MTUS2: variants seen among roughly 807,000 people sequenced by gnomAD.
MTUS2 encodes microtubule associated scaffold protein 2, also known as microtubule-associated tumor suppressor candidate 2.
Under a neutral mutation model 114.1 loss-of-function variants are expected in MTUS2, and 40 were observed. The ratio of observed to expected loss-of-function variants is 0.35; its 90% confidence interval spans 0.27 to 0.46. MTUS2 has a LOEUF of 0.46. MTUS2 is among the 20% of genes least tolerant of loss of function. The pLI, the probability that MTUS2 is intolerant of heterozygous loss-of-function variation, is 1.00. For missense variants in MTUS2, 1,679 were observed against 1,705.4 expected (o/e 0.98, Z 0.27); for synonymous variants, 688 against 672.0 (o/e 1.02, Z -0.37).
rs530415827 is a variant in MTUS2, at chr13:29,060,735, G to A, written c.2446+26610G>A. 1.6e-4 allele frequency among the ~76,000 whole-genome samples: 24 copies of A among 147,064 alleles called. No individual in the cohort carries two copies. In the South Asian group the frequency reaches 3.5e-3, roughly 21 times the overall value. ...GTTTTAATATGCCATCTTGTTATTC[G>A]TTTTCTATTTGACCTATTTCTTCAT... On this transcript the variant is annotated intron_variant, in intron 4 of 15. Coordinates refer to ENST00000612955, the MANE Select transcript of MTUS2 (RefSeq NM_001033602.4).
intron 9 of MTUS2, among the ~76,000 whole-genome samples, chr13:29,457,135 T>A (rs531392011): frequency 9.0e-4 from 131 of 145,680 alleles, no homozygotes; most frequent in African/African-American, 3.3e-3. Flanking sequence ...ACAGCGAGAC[T>A]CCATTCAAAA....
At chr13:29,313,909 A>G (rs1246304518) in intron 6 of MTUS2, among the ~76,000 whole-genome samples, 2 of 152,162 alleles carry the variant, frequency 1.3e-5, no homozygotes, top group East Asian at 1.9e-4. Flanking sequence ...ATGCCTTAGC[A>G]TTTCTGGGGG....
intron 1 of MTUS2, among the ~76,000 whole-genome samples, chr13:28,824,397 T>A (rs1874123101): frequency 6.6e-6 from 1 of 152,198 alleles, no homozygotes. Flanking sequence ...GGTAGGAGCC[T>A]AACTTTGACA....
intron 6 of MTUS2, among the ~76,000 whole-genome samples, chr13:29,287,706 A>G (rs774028755): frequency 3.3e-5 from 5 of 152,244 alleles, no homozygotes; most frequent in Non-Finnish European, 5.9e-5. Flanking sequence ...TTTCCTAGGT[A>G]TAAATTTTTA....
rs546278815 is a variant in MTUS2 at position 28,929,097 on chromosome 13, G to A, written c.-243+89247G>A. ...GAATATCACATGTTCTCCCTCATAC[G>A]TCAAAACCAAAAATGTGGATCTCAT... is the stretch of plus-strand genomic sequence containing the variant. On this transcript the variant is annotated intron_variant, in intron 2 of 15. Transcript: ENST00000612955. Among the ~76,000 whole-genome samples the A allele has an allele frequency of 9.1e-4, 137 of 150,538 alleles. 1 individual carries two copies. The highest frequency in any genetic ancestry group is 3.2e-3 in the African/African-American group (132 of 41,206).
chr13:29,483,520 T>C (rs1227637635), intron 10 of MTUS2, among the ~76,000 whole-genome samples: 1 of 152,100 alleles, frequency 6.6e-6, no homozygotes, highest in East Asian at 1.9e-4. Flanking sequence ...TCAGAATCAC[T>C]GATGAGGCCT....
At chr13:29,491,496 G>T (rs1566234770) in intron 11 of MTUS2, among the ~76,000 whole-genome samples, 3 of 142,230 alleles carry the variant, frequency 2.1e-5, no homozygotes, top group African/African-American at 5.3e-5. Context: ...TGTGTAGTGT[G>T]TGTATGTGGG....
chr13:29,331,338 T>C (rs555915266), intron 7 of MTUS2, among the ~76,000 whole-genome samples: 10 of 152,312 alleles, frequency 6.6e-5, no homozygotes, highest in Non-Finnish European at 1.5e-4. Flanking sequence ...TATTTGGAGC[T>C]GAGACGATGG....
At chr13:29,358,103 CTG>C (rs1252567469) in intron 7 of MTUS2, among the ~76,000 whole-genome samples, 1 of 152,154 alleles carries the variant, frequency 6.6e-6, no homozygotes. Context: ...TGGTCAGTGT[CTG>C]TGTCATGTCC....
chr13:29,279,981 G>C (rs1046637941), intron 5 of MTUS2, among the ~76,000 whole-genome samples: 2 of 152,230 alleles, frequency 1.3e-5, no homozygotes, highest in Non-Finnish European at 2.9e-5. Flanking sequence ...TCAGTGAACA[G>C]ATTATTCTGG....
At chr13:29,091,837 A>G (rs914379492) in intron 4 of MTUS2, among the ~76,000 whole-genome samples, 1 of 152,240 alleles carries the variant, frequency 6.6e-6, no homozygotes, top group Admixed American at 6.5e-5. Context: ...AGGACTCAAC[A>G]GTGCAGCACA....
At chr13:28,893,300 C>T (rs1879042544) in intron 2 of MTUS2, among the ~76,000 whole-genome samples, 1 of 151,562 alleles carries the variant, frequency 6.6e-6, no homozygotes, top group Non-Finnish European at 1.5e-5. Context: ...AGAAAACCAA[C>T]AAAATCAGAA....
chr13:28,962,651 T>C (rs1883382654), intron 2 of MTUS2, among the ~76,000 whole-genome samples: 1 of 152,236 alleles, frequency 6.6e-6, no homozygotes. Flanking sequence ...CAAGATTCTT[T>C]TGTAACCTTT....
chr13:29,062,047 CG>C (rs1466666301), intron 4 of MTUS2, among the ~76,000 whole-genome samples: 1 of 152,152 alleles, frequency 6.6e-6, no homozygotes, highest in Non-Finnish European at 1.5e-5. Context: ...TGCAATGATA[CG>C]ATCTTGGCTC....
chr13:29,426,463 T>C (rs1364703589), intron 8 of MTUS2, among the ~76,000 whole-genome samples: 2 of 152,226 alleles, frequency 1.3e-5, no homozygotes, highest in Non-Finnish European at 2.9e-5. Flanking sequence ...TATATTCGCA[T>C]TGTAGTGCGA....
intron 2 of MTUS2, among the ~76,000 whole-genome samples, chr13:28,957,156 T>C (rs1883110674): frequency 6.6e-6 from 1 of 152,206 alleles, no homozygotes; most frequent in South Asian, 2.1e-4. Flanking sequence ...CTCACTGGAA[T>C]AGAAACAACT....
chr13:29,014,661 G>A (rs779836533), intron 2 of MTUS2, among the ~76,000 whole-genome samples: 5 of 152,148 alleles, frequency 3.3e-5, no homozygotes, highest in South Asian at 2.1e-4. Context: ...ATGTTAGAGT[G>A]GGGGGAGTCA....
chr13:28,897,854 A>C (rs1000947547), intron 2 of MTUS2, among the ~76,000 whole-genome samples: 3 of 146,384 alleles, frequency 2.0e-5, no homozygotes, highest in African/African-American at 7.5e-5. Flanking sequence ...TTGAACAATG[A>C]GAACATGGAC....
chr13:29,211,256 A>G (rs1018080924), intron 5 of MTUS2, among the ~76,000 whole-genome samples: 3 of 152,150 alleles, frequency 2.0e-5, no homozygotes, highest in South Asian at 2.1e-4. Flanking sequence ...GACTGGGGGA[A>G]AGCTGGCAGT....
Sources: gnomAD v4.1 joint callset for allele counts (sites outside exome capture counted in the v4.1 genomes callset) on GRCh38, gnomAD v4.1.1 for gene constraint, MANE v1.5 for transcripts, NCBI Gene and HGNC (gene_info 2026-07-23, HGNC 2026-07-21) for gene names.